Variants in TEX46 observed in about 807,000 individuals in gnomAD.
The protein encoded by TEX46 is testis expressed 46.
A neutral mutation model predicts 5.3 loss-of-function variants in TEX46; 6 were observed. The observed-to-expected ratio is 1.13, with a 90% CI of 0.62 to 2.23. TEX46 has a LOEUF of 2.23. Among genes scored for constraint, TEX46 ranks in the 30% most tolerant of loss-of-function variants. TEX46 has a pLI of 0.00. For synonymous variants in TEX46, 41 were observed against 54.6 expected, an observed-to-expected ratio of 0.75 and a Z score of 1.10; for missense variants, 131 against 150.9, an observed-to-expected ratio of 0.87 and a Z score of 0.69.
chr1:23,014,203 A>C, intron 1 of TEX46, 158 bp from the exon 2 acceptor site: 3 of 1,314,362 alleles, frequency 2.3e-6, no homozygotes, highest in Non-Finnish European at 3.0e-6. Context: ...AACAATAATA[A>C]TAACTCCTCC....
intron 2 of TEX46, among the ~76,000 whole-genome samples, chr1:23,011,595 T>G (rs1319066844): frequency 6.6e-6 from 1 of 152,160 alleles, no homozygotes; most frequent in Non-Finnish European, 1.5e-5. Context: ...TATTTGTATT[T>G]GTAATTATTA....
chr1:23,010,975 T>C lies in TEX46; in HGVS notation c.292A>G (p.Lys98Glu), dbSNP rs1220449538. The C allele has an allele frequency of 2.0e-6, 3 of 1,535,818 alleles. No homozygotes were observed. The highest frequency in any genetic ancestry group is 2.6e-6 in the Non-Finnish European group (3 of 1,146,654). Residue 98 changes from lysine to glutamate, a missense_variant, in exon 3 of 3, where the codon AAA (lysine) becomes GAA (glutamate). Coordinates refer to ENST00000566855, the MANE Select transcript of TEX46 (RefSeq NM_001242521.2). ...TCATGCCTCCTCATTCTGTGTTTTT[T>C]CATGGGAAAATTCCGATGTCTGCTT... ...RSSRHRNFPM[K>E]KHRMRRHESI...
intron 1 of TEX46, among the ~76,000 whole-genome samples, chr1:23,014,799 A>G (rs1360221579): frequency 1.3e-5 from 2 of 151,936 alleles, no homozygotes; most frequent in African/African-American, 4.8e-5. Context: ...AGCCTCAAGC[A>G]ATTCTCCCTC....
intron 1 of TEX46, among the ~76,000 whole-genome samples, chr1:23,015,436 CAAAAAAAAAAAAAAAAAAA>C (rs61258225): frequency 5.0e-4 from 14 of 27,776 alleles, no homozygotes; most frequent in Admixed American, 4.0e-3. Flanking sequence ...GACTCCTTCT[CAAAAAAAAAAAAAAAAAAA>C]AAAAAAAAAA....
rs1209216734 is a variant in TEX46, at chr1:23,013,915, C to T, written c.133G>A (p.Glu45Lys). ...LLLSNWLVKY[E>K]HKLTLPEPQQ... is the part of the protein sequence containing the mutation. ...GGCTCTGGGAGGGTGAGCTTGTGTT[C>T]ATACTTGACCAACCAGTTGCTAAGC... is the stretch of plus-strand genomic sequence containing the variant. The change falls in exon 2 of 3, where the codon GAA becomes AAA. Residue 45 changes from glutamate (E) to lysine (K), a missense_variant. Coordinates refer to ENST00000566855, the MANE Select transcript of TEX46 (RefSeq NM_001242521.2). 3 of 1,536,068 alleles carry T rather than the reference C, an allele frequency of 2.0e-6. 1 individual carries two copies. Among genetic ancestry groups the T allele is most frequent in the African/African-American group, 2.7e-5 (2 of 73,166 alleles).
Position 23,015,662 on chromosome 1 carries a change from AAAGG to A in TEX46, c.2+106_2+109del. 4.7e-6 allele frequency: 3 copies of A among 642,982 alleles called. 1 individual carries two copies. The South Asian group carries it at 5.4e-5, about 11-fold the overall frequency. The allele number at this position is 642,982 out of a possible 1,614,324, so 39.8% of individuals were successfully genotyped here. On this transcript the variant is annotated intron_variant, in intron 1 of 2. Transcript: ENST00000566855. ...ATACACGCAATATTACCAGCCTTAA[AAAGG>A]AAGGAAATTCTAACATGTTACAACA...
Position 23,013,832 on chromosome 1 carries a change from T to C in TEX46, c.165+51A>G, listed in dbSNP as rs992003481. ...CTGTTCCCTACCCACCTAATCTAGCTGCAAATATCCCCTATCCCTGAGCTG... is the reference window on the plus strand; with the variant it reads ...CTGTTCCCTACCCACCTAATCTAGCCGCAAATATCCCCTATCCCTGAGCTG... On this transcript the variant is annotated intron_variant, in intron 2 of 2. Transcript: ENST00000566855. 2.7e-5 allele frequency: 40 copies of C among 1,507,528 alleles called. No homozygotes were observed. The African/African-American group carries it at 4.8e-4, about 18-fold the overall frequency. 93.4% of individuals were successfully genotyped at this position (1,507,528 alleles called of 1,614,324 possible).
intron 1 of TEX46, chr1:23,014,303 T>C: frequency 4.2e-6 from 1 of 236,638 alleles, no homozygotes; most frequent in Non-Finnish European, 6.9e-6. Flanking sequence ...CCAGGTGATG[T>C]AGGCCTCCTC....
intron 2 of TEX46, among the ~76,000 whole-genome samples, chr1:23,011,438 G>C (rs1641350484): frequency 6.6e-6 from 1 of 150,742 alleles, no homozygotes; most frequent in African/African-American, 2.4e-5. Flanking sequence ...TGTTGCCCAG[G>C]CTGGAGTGCA....
At chr1:23,011,284 C>G in intron 2 of TEX46, 183 bp from the exon 3 acceptor site, 1 of 562,968 alleles carries the variant, frequency 1.8e-6, no homozygotes, top group Non-Finnish European at 3.2e-6. Flanking sequence ...TGCTCTGTGC[C>G]AGGTGGTTTA....
chr1:23,011,052 A>G lies in TEX46; in HGVS notation c.215T>C (p.Leu72Pro). Residue 72 changes from leucine to proline, a missense_variant, in exon 3 of 3, where the codon CTA becomes CCA. By Grantham distance (98) the Leu-to-Pro change is moderately conservative. Transcript: ENST00000566855. Reference protein sequence around the residue: ...LLFSEMKMKVLENQMFIIWNK... With the variant: ...LLFSEMKMKVPENQMFIIWNK... ...CCATATGATGAACATCTGATTTTCT[A>G]GGACCTTCATCTTCATTTCACTGAA... The G allele has an allele frequency of 1.3e-6, 2 of 1,536,002 alleles. No homozygotes were observed. The highest frequency in any genetic ancestry group is 1.7e-6 in the Non-Finnish European group (2 of 1,146,822).
chr1:23,013,120 G>A (rs1324267747), intron 2 of TEX46, among the ~76,000 whole-genome samples: 3 of 151,958 alleles, frequency 2.0e-5, no homozygotes, highest in East Asian at 1.9e-4. Flanking sequence ...GACCTGCCTC[G>A]GCATCCTAAA....
At chr1:23,015,181 G>A (rs538603864) in intron 1 of TEX46, among the ~76,000 whole-genome samples, 1 of 151,172 alleles carries the variant, frequency 6.6e-6, no homozygotes, top group South Asian at 2.1e-4. Flanking sequence ...CAGGCACGGT[G>A]GCTCACGCCT....
In TEX46 at chr1:23,015,575, T is replaced by C. The variant is rs376392639; in HGVS notation, c.2+197A>G. Among the ~76,000 whole-genome samples the C allele has an allele frequency of 2.4e-4, 35 of 144,692 alleles. No homozygotes were observed. The East Asian group carries it at 4.5e-3, about 18-fold the overall frequency. The allele number at this position is 144,692 out of a possible 152,430, so 94.9% of individuals were successfully genotyped here. ...ATGTTCACAGCAGCATTATTCACAATAGCCAAAATGTGGAAGTAACCCAAG... is the reference window on the plus strand; with the variant it reads ...ATGTTCACAGCAGCATTATTCACAACAGCCAAAATGTGGAAGTAACCCAAG... On this transcript the variant is annotated intron_variant, in intron 1 of 2. Transcript: ENST00000566855.
chr1:23,014,150 T>C lies in TEX46; in HGVS notation c.3-105A>G, dbSNP rs141553213. On this transcript the variant is annotated intron_variant, in intron 1 of 2. Transcript: ENST00000566855. Reference sequence around the variant, plus strand: ...GACAAGAGTCACGGCCACCCACTCCTCTGAGTCATAGCCAGCTCCCTCCCC... The same window carrying C: ...GACAAGAGTCACGGCCACCCACTCCCCTGAGTCATAGCCAGCTCCCTCCCC... 4.8e-3 allele frequency: 6,856 copies of C among 1,439,862 alleles called. 70 individuals are homozygous for C. Among genetic ancestry groups the C allele is most frequent in the South Asian group, 0.029 (1,959 of 67,672 alleles). 89.2% of individuals were successfully genotyped at this position (1,439,862 alleles called of 1,614,324 possible).
chr1:23,012,527 A>G (rs1158348623), intron 2 of TEX46, among the ~76,000 whole-genome samples: 1 of 152,208 alleles, frequency 6.6e-6, no homozygotes, highest in African/African-American at 2.4e-5. Context: ...TCCCTCCCTG[A>G]ATATCATCAC....
intron 2 of TEX46, 29 bp from the exon 3 acceptor site, chr1:23,011,130 T>C: frequency 2.6e-6 from 4 of 1,510,882 alleles, no homozygotes; most frequent in Non-Finnish European, 3.6e-6. Context: ...ATGCGTTCTA[T>C]TGACTTCTTT....
intron 2 of TEX46, among the ~76,000 whole-genome samples, chr1:23,011,987 C>T (rs576512131): frequency 4.7e-4 from 72 of 152,288 alleles, no homozygotes; most frequent in African/African-American, 1.6e-3. Flanking sequence ...ATCTCTCCCT[C>T]CCCTGGTTAA....
intron 2 of TEX46, 163 bp from the exon 3 acceptor site, chr1:23,011,264 C>T (rs1238409627): frequency 1.7e-6 from 1 of 600,552 alleles, no homozygotes; most frequent in Non-Finnish European, 3.0e-6. Context: ...CCCTTCCTTG[C>T]TTGAACACCT....
Sources: gnomAD v4.1 joint callset for allele counts (sites outside exome capture counted in the v4.1 genomes callset) on GRCh38, gnomAD v4.1.1 for gene constraint, MANE v1.5 for transcripts, NCBI Gene and HGNC (gene_info 2026-07-23, HGNC 2026-07-21) for gene names.